Variants in TIMD4 observed in about 807,000 individuals in gnomAD.
TIMD4 encodes the protein T cell immunoglobulin and mucin domain containing 4.
TIMD4 carries 31 observed loss-of-function variants against 41.2 expected under a neutral mutation model. That is an observed-to-expected ratio of 0.75 (90% CI 0.57 to 1.01). The LOEUF (loss-of-function observed/expected upper bound fraction) is 1.01. Ranked by LOEUF, TIMD4 falls within the 50% of genes least tolerant of loss-of-function variation. The probability of loss-of-function intolerance (pLI) is 0.00; values close to 1 mark genes in which losing one functional copy is unlikely to be tolerated. For synonymous variants in TIMD4, 204 were observed against 177.1 expected, an observed-to-expected ratio of 1.15 and a Z score of -1.21; for missense variants, 479 against 472.5, an observed-to-expected ratio of 1.01 and a Z score of -0.13.
intron 5 of TIMD4, 41 bp from the exon 6 acceptor site, chr5:156,926,353 G>A (rs763662200): frequency 3.7e-6 from 6 of 1,604,616 alleles, no homozygotes. Flanking sequence ...ATGTCTGGTT[G>A]GGGAATAAAA....
chr5:156,926,544 T>C (rs1561544710), intron 5 of TIMD4, among the ~76,000 whole-genome samples: 1 of 152,256 alleles, frequency 6.6e-6, no homozygotes, highest in Non-Finnish European at 1.5e-5. Context: ...TACAGATGAG[T>C]AGAGTCAGGC....
chr5:156,961,841 G>GAAAA (rs58076212), intron 1 of TIMD4, among the ~76,000 whole-genome samples: 1 of 79,540 alleles, frequency 1.3e-5, no homozygotes, highest in Non-Finnish European at 2.7e-5. Flanking sequence ...AAAAAAGAAA[G>GAAAA]AAAAAAAAAA....
chr5:156,948,594 T>C (rs1471097495), intron 4 of TIMD4, 95 bp from the exon 5 acceptor site: 7 of 692,026 alleles, frequency 1.0e-5, no homozygotes, highest in Admixed American at 3.9e-5. Flanking sequence ...ACTTCTGTCA[T>C]TGAAAACAAA....
At chr5:156,926,846 G>A (rs1759357164) in intron 5 of TIMD4, among the ~76,000 whole-genome samples, 1 of 152,210 alleles carries the variant, frequency 6.6e-6, no homozygotes, top group Non-Finnish European at 1.5e-5. Flanking sequence ...TGCCAGGCTT[G>A]TTCTGGAGGG....
intron 5 of TIMD4, among the ~76,000 whole-genome samples, chr5:156,934,888 A>C (rs1759510709): frequency 6.6e-6 from 1 of 152,232 alleles, no homozygotes; most frequent in Non-Finnish European, 1.5e-5. Flanking sequence ...ATGTTGACTC[A>C]TCATTGAATT....
intron 5 of TIMD4, among the ~76,000 whole-genome samples, chr5:156,937,872 T>A (rs1431866515): frequency 6.6e-6 from 1 of 152,236 alleles, no homozygotes; most frequent in Non-Finnish European, 1.5e-5. Flanking sequence ...GCACTGGGCA[T>A]GAGAGATAAA....
chr5:156,919,648 T>C lies in TIMD4; in HGVS notation c.1053-107A>G. ...CAATTACCCTTAAAGTTCAAAGGGC[T>C]CACAGTTCATTTAGTCTAAGCTCCA... On this transcript the variant is annotated intron_variant, in intron 8 of 8. Transcript: ENST00000274532. 6.1e-6 allele frequency: 5 copies of C among 826,300 alleles called. 1 individual carries two copies. In the South Asian group the frequency reaches 6.8e-5, roughly 11 times the overall value. 51.2% of individuals were successfully genotyped at this position (826,300 alleles called of 1,614,324 possible).
Position 156,921,618 on chromosome 5 carries a change from A to C in TIMD4, c.1012+481T>G, listed in dbSNP as rs1225736330. Among the ~76,000 whole-genome samples the C allele has an allele frequency of 7.7e-3, 514 of 66,976 alleles. 2 individuals carry two copies. Among genetic ancestry groups the C allele is most frequent in the Non-Finnish European group, 9.6e-3 (353 of 36,640 alleles). 43.9% of individuals were successfully genotyped at this position (66,976 alleles called of 152,430 possible). On this transcript the variant is annotated intron_variant, in intron 7 of 8. Transcript: ENST00000274532. ...TGGACAACAGAATGAGACTCTCTCA[A>C]AAAAAAAAAAAAAAAAAAAAAAAAA...
chr5:156,928,294 C>G (rs1335082355), intron 5 of TIMD4, among the ~76,000 whole-genome samples: 1 of 128,394 alleles, frequency 7.8e-6, no homozygotes, highest in East Asian at 2.2e-4. Flanking sequence ...GAGACTCCAT[C>G]TAAAAAAAAA....
chr5:156,951,480 T>C (rs760028543), intron 3 of TIMD4, 32 bp downstream of exon 3: 1 of 1,611,848 alleles, frequency 6.2e-7, no homozygotes, highest in African/African-American at 1.3e-5. Context: ...GAGACAGCAC[T>C]GTTCTAAGAA....
intron 5 of TIMD4, 24 bp downstream of exon 5, chr5:156,948,392 T>TA (rs769892929): frequency 9.8e-5 from 126 of 1,291,310 alleles, no homozygotes; most frequent in South Asian, 3.0e-4. Flanking sequence ...TAAAATAAAA[T>TA]AAAAAAAATC....
intron 5 of TIMD4, among the ~76,000 whole-genome samples, chr5:156,948,061 A>T (rs1225494364): frequency 6.6e-6 from 1 of 152,238 alleles, no homozygotes; most frequent in Non-Finnish European, 1.5e-5. Context: ...AGAAGCCAGC[A>T]CTGATGCTTG....
At chr5:156,942,061 C>T (rs1051603044) in intron 5 of TIMD4, among the ~76,000 whole-genome samples, 4 of 152,196 alleles carry the variant, frequency 2.6e-5, no homozygotes, top group Non-Finnish European at 4.4e-5. Context: ...TGTTAAGTAT[C>T]GCAAGGAAAG....
At chr5:156,948,347 C>G in intron 5 of TIMD4, 69 bp downstream of exon 5, 15 of 844,938 alleles carry the variant, frequency 1.8e-5, no homozygotes, top group Non-Finnish European at 2.0e-5. Flanking sequence ...AAGCAAGATT[C>G]TGTCTAAAAA....
At chr5:156,948,322 T>TATAA in intron 5 of TIMD4, 94 bp downstream of exon 5, 35 of 616,504 alleles carry the variant, frequency 5.7e-5, no homozygotes, top group Non-Finnish European at 6.6e-5. Flanking sequence ...AACTCATCTC[T>TATAA]ACAAAAAAAA....
Position 156,926,285 on chromosome 5 carries a change from T to C in TIMD4, c.872A>G (p.Asn291Ser), listed in dbSNP as rs766382802. 38 of 1,613,580 alleles carry C rather than the reference T, an allele frequency of 2.4e-5. No homozygotes were observed. Among genetic ancestry groups the C allele is most frequent in the Non-Finnish European group, 2.5e-5 (30 of 1,179,706 alleles). The change falls in exon 6 of 9, where the codon AAC (asparagine) becomes AGC (serine). Residue 291 changes from asparagine (N) to serine (S), a missense_variant. Transcript: ENST00000274532. ...GASDTAVPEQ[N>S]KTTKTGQMDG... The stretch of plus-strand genomic sequence containing the variant: ...TACCTGTCCTGTTTTTGTTGTTTTG[T>C]TCTGCTCAGGAACTGCTGTATCAGA...
At chr5:156,938,241 A>G (rs1759575790) in intron 5 of TIMD4, among the ~76,000 whole-genome samples, 1 of 152,180 alleles carries the variant, frequency 6.6e-6, no homozygotes, top group South Asian at 2.1e-4. Flanking sequence ...CTGTGCCTCA[A>G]TTTCCTTATT....
chr5:156,962,322 CCT>C (rs1371046952), intron 1 of TIMD4, among the ~76,000 whole-genome samples: 1 of 151,836 alleles, frequency 6.6e-6, no homozygotes, highest in Non-Finnish European at 1.5e-5. Flanking sequence ...TCCCAACTAC[CCT>C]GATTCGATCA....
chr5:156,935,278 C>T (rs546822949), intron 5 of TIMD4, among the ~76,000 whole-genome samples: 166 of 152,002 alleles, frequency 1.1e-3, no homozygotes, highest in African/African-American at 3.8e-3. Context: ...GAAGGGACTA[C>T]GTATTTTGCT....
Sources: gnomAD v4.1 joint callset for allele counts (sites outside exome capture counted in the v4.1 genomes callset) on GRCh38, gnomAD v4.1.1 for gene constraint, MANE v1.5 for transcripts, NCBI Gene and HGNC (gene_info 2026-07-23, HGNC 2026-07-21) for gene names.